The following CDH4 variants were observed in gnomAD, a reference collection of about 807,000 sequenced individuals.
The protein encoded by CDH4 is cadherin-4.
Under a neutral mutation model 86.0 loss-of-function variants are expected in CDH4, and 33 were observed. The observed-to-expected ratio is 0.38, with a 90% CI of 0.29 to 0.51. CDH4 has a LOEUF of 0.51. Ranked by LOEUF, CDH4 falls within the 20% of genes least tolerant of loss-of-function variation. The pLI, the probability that CDH4 is intolerant of heterozygous loss-of-function variation, is 0.86. For missense variants in CDH4, 1,114 were observed against 1,307.4 expected (o/e 0.85, Z 2.28); for synonymous variants, 555 against 549.4 (o/e 1.01, Z -0.14).
At chr20:61,726,881 C>T (rs925240313) in intron 2 of CDH4, among the ~76,000 whole-genome samples, 8 of 147,722 alleles carry the variant, frequency 5.4e-5, no homozygotes, top group African/African-American at 2.0e-4. Context: ...GGAGGCATCA[C>T]CATTGGTGCC....
At position 61,350,236 on chromosome 20, in the gene CDH4, T is replaced by C. The variant is rs13040023; in HGVS notation, c.169+95299T>C. On this transcript the variant is annotated intron_variant, in intron 2 of 15. Transcript: ENST00000614565. ...GCCAGCGGAACACCTCTGACCTTGC[T>C]TCTCCCACCCAGCGTCAGGCAGACA... 1.9e-3 allele frequency among the ~76,000 whole-genome samples: 21 copies of C among 10,780 alleles called. 2 individuals are homozygous for C. Among genetic ancestry groups the C allele is most frequent in the African/African-American group, 6.2e-3 (3 of 484 alleles). 7.1% of individuals were successfully genotyped at this position (10,780 alleles called of 152,430 possible).
At chr20:61,458,082 A>G (rs1254505390) in intron 2 of CDH4, among the ~76,000 whole-genome samples, 1 of 145,266 alleles carries the variant, frequency 6.9e-6, no homozygotes, top group African/African-American at 2.6e-5. Flanking sequence ...GGTGGTAGTC[A>G]TATCATGGTG....
chr20:61,730,657 G>A (rs762122404), intron 2 of CDH4, among the ~76,000 whole-genome samples: 24 of 152,352 alleles, frequency 1.6e-4, no homozygotes, highest in Non-Finnish European at 3.4e-4. Context: ...CTGGCAGGAG[G>A]TGGCCGGCAG....
intron 2 of CDH4, among the ~76,000 whole-genome samples, chr20:61,579,012 GT>G (rs1480791200): frequency 6.6e-6 from 1 of 152,102 alleles, no homozygotes; most frequent in Non-Finnish European, 1.5e-5. Flanking sequence ...CCCTGACCGT[GT>G]GCTGAGGGAT....
intron 2 of CDH4, among the ~76,000 whole-genome samples, chr20:61,406,496 C>T (rs1466075240): frequency 6.9e-6 from 1 of 144,690 alleles, no homozygotes; most frequent in Admixed American, 6.8e-5. Flanking sequence ...GCCATCTGCT[C>T]TGCCTGGACC....
chr20:61,318,696 A>G (rs2084491494), intron 2 of CDH4, among the ~76,000 whole-genome samples: 1 of 152,254 alleles, frequency 6.6e-6, no homozygotes, highest in African/African-American at 2.4e-5. Flanking sequence ...TTAGAAGCTC[A>G]GTGAGGTCAA....
chr20:61,724,203 G>C (rs2088083172), intron 2 of CDH4, among the ~76,000 whole-genome samples: 1 of 152,120 alleles, frequency 6.6e-6, no homozygotes, highest in Non-Finnish European at 1.5e-5. Context: ...CCCATACAGG[G>C]GGCAGGCAGG....
intron 7 of CDH4, among the ~76,000 whole-genome samples, chr20:61,878,608 G>A (rs768758425): frequency 3.3e-5 from 5 of 152,120 alleles, no homozygotes; most frequent in Non-Finnish European, 5.9e-5. Context: ...ACATTGAGGC[G>A]GGCTTCCCTC....
At chr20:61,374,014 G>A (rs1160788017) in intron 2 of CDH4, among the ~76,000 whole-genome samples, 2 of 152,116 alleles carry the variant, frequency 1.3e-5, no homozygotes, top group African/African-American at 2.4e-5. Context: ...TGCGCACGGC[G>A]GGTGTGGAGG....
At chr20:61,890,796 G>A (rs1817747191) in intron 7 of CDH4, among the ~76,000 whole-genome samples, 1 of 152,084 alleles carries the variant, frequency 6.6e-6, no homozygotes, top group Non-Finnish European at 1.5e-5. Flanking sequence ...AGCTCTGTTA[G>A]ACACGACTCA....
chr20:61,488,103 A>G (rs1485765884), intron 2 of CDH4, among the ~76,000 whole-genome samples: 2 of 152,232 alleles, frequency 1.3e-5, no homozygotes, highest in East Asian at 1.9e-4. Context: ...TATGACGCCA[A>G]TGATCATGGC....
At chr20:61,360,599 A>G (rs756265734) in intron 2 of CDH4, among the ~76,000 whole-genome samples, 8 of 152,178 alleles carry the variant, frequency 5.3e-5, no homozygotes, top group Non-Finnish European at 7.3e-5. Flanking sequence ...TAACGGAGAC[A>G]CACTCAGAAT....
At chr20:61,457,236 G>C (rs1367481178) in intron 2 of CDH4, among the ~76,000 whole-genome samples, 1 of 152,130 alleles carries the variant, frequency 6.6e-6, no homozygotes, top group Non-Finnish European at 1.5e-5. Flanking sequence ...ACTTACCTGG[G>C]ATGTTACCAA....
intron 2 of CDH4, among the ~76,000 whole-genome samples, chr20:61,450,522 T>C (rs998130367): frequency 2.6e-5 from 4 of 152,200 alleles, no homozygotes; most frequent in African/African-American, 9.6e-5. Flanking sequence ...TGACAGAGGA[T>C]TTATTAAGGA....
chr20:61,355,773 A>C (rs990527381), intron 2 of CDH4, among the ~76,000 whole-genome samples: 1 of 152,206 alleles, frequency 6.6e-6, no homozygotes, highest in Non-Finnish European at 1.5e-5. Flanking sequence ...CTGCTCATAC[A>C]TGCACCTGCA....
chr20:61,653,474 G>T (rs2087147820), intron 2 of CDH4, among the ~76,000 whole-genome samples: 1 of 136,672 alleles, frequency 7.3e-6, no homozygotes, highest in African/African-American at 2.6e-5. Context: ...ACGGGGTCGT[G>T]GCCGGGCAGA....
intron 2 of CDH4, among the ~76,000 whole-genome samples, chr20:61,720,760 A>C (rs2088031230): frequency 6.6e-6 from 1 of 152,064 alleles, no homozygotes; most frequent in South Asian, 2.1e-4. Context: ...AGCTGCCTCT[A>C]AAAGCTGGGG....
At chr20:61,846,959 G>A (rs1458066833) in intron 5 of CDH4, among the ~76,000 whole-genome samples, 1 of 152,228 alleles carries the variant, frequency 6.6e-6, no homozygotes, top group East Asian at 1.9e-4. Flanking sequence ...CACCAGAAGT[G>A]CTGTAGGGCT....
chr20:61,516,865 C>T lies in CDH4; in HGVS notation c.170-226698C>T, dbSNP rs376705838. Among the ~76,000 whole-genome samples, 31 of 152,324 alleles carry T rather than the reference C, an allele frequency of 2.0e-4. No individual in the cohort carries two copies. Among genetic ancestry groups the T allele is most frequent in the East Asian group, 7.7e-4 (4 of 5,182 alleles). ...CCTGCTCCCCTACTCCCTGGCTCCT[C>T]GTCCTAGCAAGGAGCTCCAGGCACC... On this transcript the variant is annotated intron_variant, in intron 2 of 15. Coordinates refer to ENST00000614565, the MANE Select transcript of CDH4 (RefSeq NM_001794.5). This position sits in a 1 kb window ranked among gnomAD's most constrained non-coding sequence, Gnocchi z 4.0.
Sources: gnomAD v4.1 joint callset for allele counts (sites outside exome capture counted in the v4.1 genomes callset) on GRCh38, gnomAD v4.1.1 for gene constraint, Gnocchi (gnomAD v3.1) non-coding constraint, MANE v1.5 for transcripts, NCBI Gene and HGNC (gene_info 2026-07-23, HGNC 2026-07-21) for gene names.